Variants in C1QTNF7 observed in about 807,000 individuals in gnomAD.
The protein encoded by C1QTNF7 is C1q and TNF related 7, also known as complement C1q tumor necrosis factor-related protein 7.
Under a neutral mutation model 19.6 loss-of-function variants are expected in C1QTNF7, and 15 were observed. The ratio of observed to expected loss-of-function variants is 0.76; its 90% CI spans 0.51 to 1.18. The LOEUF (loss-of-function observed/expected upper bound fraction) is 1.18. Among genes scored for constraint, C1QTNF7 ranks in the 50% most tolerant of loss-of-function variants. The pLI is 0.00. For synonymous variants in C1QTNF7, 142 were observed against 137.5 expected (o/e 1.03, Z -0.23); for missense variants, 324 against 359.7 (o/e 0.90, Z 0.80).
rs1712954633 is a variant in C1QTNF7 at position 15,445,407 on chromosome 4, T to A, written c.*2608T>A. ...AATCACTGTGATTAAAATTTTCTTC[T>A]GATCGTAATCCACGAATGCATTCAT... On this transcript the variant is annotated 3_prime_UTR_variant, in exon 3 of 3. Coordinates refer to ENST00000444304, the MANE Select transcript of C1QTNF7 (RefSeq NM_031911.5). 1 of 152,276 alleles carries A rather than the reference T, an allele frequency of 6.6e-6. No homozygotes were observed. Among genetic ancestry groups the A allele is most frequent in the South Asian group, 2.1e-4 (1 of 4,836 alleles). The allele number at this position is 152,276 out of a possible 1,614,324, so 9.4% of individuals were successfully genotyped here. A position where few individuals can be genotyped will look rare whatever the true frequency, so the allele number is the denominator to read the frequency against.
rs773946027 is a variant in C1QTNF7 at position 15,442,458 on chromosome 4, C to A, written c.529C>A (p.His177Asn). ...FNKVLFNEGE[H>N]YNPATGKFIC... ...CAAGGTCCTCTTCAACGAGGGAGAG[C>A]ACTACAACCCTGCCACAGGGAAGTT... The change falls in exon 3 of 3, where the codon CAC becomes AAC. Residue 177 changes from histidine to asparagine, a missense_variant. His to Asn is a moderately conservative substitution (Grantham distance 68, BLOSUM62 1). Transcript: ENST00000444304. 1.9e-6 allele frequency: 3 copies of A among 1,614,052 alleles called. No homozygotes were observed. The highest frequency in any genetic ancestry group is 3.3e-5 in the Admixed American group (2 of 60,004).
At chr4:15,379,728 G>A (rs1718071593) in intron 1 of C1QTNF7, among the ~76,000 whole-genome samples, 1 of 152,190 alleles carries the variant, frequency 6.6e-6, no homozygotes, top group Admixed American at 6.5e-5. Context: ...GGAAGAGGCT[G>A]TGGAATTGTC....
chr4:15,353,984 A>T (rs1361422044), intron 1 of C1QTNF7, among the ~76,000 whole-genome samples: 1 of 152,134 alleles, frequency 6.6e-6, no homozygotes, highest in Non-Finnish European at 1.5e-5. Context: ...GGAATCCACA[A>T]CTTCAGTCAA....
intron 1 of C1QTNF7, among the ~76,000 whole-genome samples, chr4:15,348,278 T>G (rs1475302552): frequency 6.6e-6 from 1 of 152,162 alleles, no homozygotes; most frequent in Non-Finnish European, 1.5e-5. Context: ...GGAGACAATT[T>G]CAGTGGAGAT....
intron 1 of C1QTNF7, among the ~76,000 whole-genome samples, chr4:15,385,804 C>T (rs1431772658): frequency 1.3e-5 from 2 of 152,154 alleles, no homozygotes; most frequent in South Asian, 2.1e-4. Flanking sequence ...AGAGCGGGCT[C>T]GCTTGGTGAA....
intron 1 of C1QTNF7, among the ~76,000 whole-genome samples, chr4:15,415,620 C>CATATATAT (rs35377968): frequency 0.024 from 3,523 of 146,848 alleles, 93 homozygotes; most frequent in East Asian, 0.077. Context: ...TTATTTGATG[C>CATATATAT]ATATATATAT....
chr4:15,381,839 G>T (rs972982824), intron 1 of C1QTNF7: 3 of 152,142 alleles, frequency 2.0e-5, no homozygotes, highest in African/African-American at 7.2e-5. Context: ...CTCTTTAATT[G>T]TGAGAAATTA....
chr4:15,355,624 A>G (rs1717117951), intron 1 of C1QTNF7, among the ~76,000 whole-genome samples: 1 of 152,088 alleles, frequency 6.6e-6, no homozygotes, highest in South Asian at 2.1e-4. Context: ...ACAACTCTTA[A>G]AGGGATGGTA....
chr4:15,349,084 G>A (rs913934889), intron 1 of C1QTNF7, among the ~76,000 whole-genome samples: 1 of 152,190 alleles, frequency 6.6e-6, no homozygotes. Context: ...AAAAGAATAT[G>A]TAATCTCCTT....
intron 1 of C1QTNF7, among the ~76,000 whole-genome samples, chr4:15,413,566 C>T (rs1016804578): frequency 6.6e-6 from 1 of 152,180 alleles, no homozygotes; most frequent in Non-Finnish European, 1.5e-5. Flanking sequence ...GCTCGTATTC[C>T]CTCTTTAAAA....
chr4:15,344,605 T>A (rs1460499207), intron 1 of C1QTNF7, among the ~76,000 whole-genome samples: 1 of 152,212 alleles, frequency 6.6e-6, no homozygotes, highest in East Asian at 1.9e-4. Flanking sequence ...TCACACTCTA[T>A]GAAGATAACA....
intron 1 of C1QTNF7, among the ~76,000 whole-genome samples, chr4:15,384,650 T>C (rs1718265265): frequency 6.6e-6 from 1 of 152,176 alleles, no homozygotes; most frequent in African/African-American, 2.4e-5. Context: ...ACATGACAAA[T>C]GAAAGGGAGT....
At chr4:15,350,340 G>GAAGAAGGAAGGAAAGGAAGGAAGA (rs747118792) in intron 1 of C1QTNF7, among the ~76,000 whole-genome samples, 1 of 82,388 alleles carries the variant, frequency 1.2e-5, no homozygotes. Context: ...AGAAAGGAGG[G>GAAGAAGGAAGGAAAGGAAGGAAGA]AGGGAGGGAG....
chr4:15,360,866 C>T (rs1267936161), intron 1 of C1QTNF7, among the ~76,000 whole-genome samples: 1 of 152,118 alleles, frequency 6.6e-6, no homozygotes, highest in African/African-American at 2.4e-5. Flanking sequence ...CACACACTTA[C>T]CTACCAGAAA....
At chr4:15,439,355 G>C (rs975966585) in intron 2 of C1QTNF7, among the ~76,000 whole-genome samples, 1 of 152,216 alleles carries the variant, frequency 6.6e-6, no homozygotes, top group African/African-American at 2.4e-5. Flanking sequence ...ATCCCAGAAT[G>C]TATGATTTGG....
chr4:15,403,088 T>C (rs535439861), intron 1 of C1QTNF7, among the ~76,000 whole-genome samples: 3 of 152,152 alleles, frequency 2.0e-5, no homozygotes, highest in African/African-American at 7.2e-5. Flanking sequence ...CTACAGATCA[T>C]GTCAGCTACT....
intron 1 of C1QTNF7, among the ~76,000 whole-genome samples, chr4:15,383,706 C>T (rs982331653): frequency 6.6e-6 from 1 of 152,210 alleles, no homozygotes; most frequent in African/African-American, 2.4e-5. Flanking sequence ...ATACTAGGCA[C>T]AGTTGAATGC....
chr4:15,418,671 T>C (rs1024775045), intron 1 of C1QTNF7, among the ~76,000 whole-genome samples: 3 of 152,114 alleles, frequency 2.0e-5, no homozygotes, highest in African/African-American at 7.2e-5. Context: ...TCTTTAGTTA[T>C]ATAGGTATTT....
At chr4:15,356,536 G>A (rs1189175860) in intron 1 of C1QTNF7, among the ~76,000 whole-genome samples, 2 of 152,154 alleles carry the variant, frequency 1.3e-5, no homozygotes, top group African/African-American at 4.8e-5. Flanking sequence ...CTTTGCTATT[G>A]TGAATAGTGC....
Sources: allele counts gnomAD v4.1 joint callset (sites outside exome capture counted in the v4.1 genomes callset), GRCh38; gene constraint gnomAD v4.1.1; transcripts MANE v1.5; gene names NCBI Gene and HGNC (gene_info 2026-07-23, HGNC 2026-07-21).